HNF4G: variants seen among roughly 807,000 people sequenced by gnomAD.
HNF4G encodes hepatocyte nuclear factor 4 gamma.
A neutral mutation model predicts 50.9 loss-of-function variants in HNF4G; 21 were observed. The ratio of observed to expected loss-of-function variants is 0.41; its 90% CI spans 0.29 to 0.59. The LOEUF is 0.59. HNF4G is among the 20% of genes least tolerant of loss of function. The pLI, the probability that HNF4G is intolerant of heterozygous loss-of-function variation, is 0.26. For synonymous variants in HNF4G, 198 were observed against 185.6 expected, an observed-to-expected ratio of 1.07 and a Z score of -0.54; for missense variants, 527 against 559.4, an observed-to-expected ratio of 0.94 and a Z score of 0.58.
rs192699665 is a variant in HNF4G, at chr8:75,563,931, G to T, written c.1247-44G>T. On this transcript the variant is annotated intron_variant, in intron 9 of 9. Coordinates refer to ENST00000396423, the MANE Select transcript of HNF4G (RefSeq NM_004133.5). ...ATGTAGGGTTTAATGGGGTGAGGAAGACTGACTGCCACCATTAGACTCAAT... is the reference window on the plus strand; with the variant it reads ...ATGTAGGGTTTAATGGGGTGAGGAATACTGACTGCCACCATTAGACTCAAT... 1,788 of 1,607,676 alleles carry T rather than the reference G, an allele frequency of 1.1e-3. 10 individuals are homozygous for T. Among genetic ancestry groups the T allele is most frequent in the Non-Finnish European group, 4.7e-4 (549 of 1,176,248 alleles).
chr8:75,542,317 T>A, intron 1 of HNF4G, among the ~76,000 whole-genome samples: 1 of 151,532 alleles, frequency 6.6e-6, no homozygotes, highest in East Asian at 1.9e-4. Context: ...AAAATAATAA[T>A]AATACTTAAA....
chr8:75,454,436 A>G (rs1022570778), intron 1 of HNF4G, among the ~76,000 whole-genome samples: 1 of 152,194 alleles, frequency 6.6e-6, no homozygotes, highest in Non-Finnish European at 1.5e-5. Flanking sequence ...TATCCTGGGC[A>G]TTGAATGGTG....
chr8:75,525,063 GAAGAT>G (rs1182344188), intron 2 of HNF4G, among the ~76,000 whole-genome samples: 2 of 152,196 alleles, frequency 1.3e-5, no homozygotes, highest in East Asian at 3.9e-4. Context: ...AAGTGTTAGA[GAAGAT>G]AAGAGGACAG....
chr8:75,471,253 G>A (rs1350865134), intron 1 of HNF4G, among the ~76,000 whole-genome samples: 1 of 152,090 alleles, frequency 6.6e-6, no homozygotes, highest in Non-Finnish European at 1.5e-5. Flanking sequence ...TGCCAGTAGG[G>A]ACTGTATATC....
chr8:75,417,007 G>C (rs1330006383), intron 1 of HNF4G, among the ~76,000 whole-genome samples: 2 of 152,174 alleles, frequency 1.3e-5, no homozygotes, highest in Non-Finnish European at 2.9e-5. Context: ...TAATAAATGT[G>C]TAATTGCTTG....
intron 1 of HNF4G, among the ~76,000 whole-genome samples, chr8:75,489,606 C>T (rs577664899): frequency 3.9e-4 from 60 of 152,206 alleles, no homozygotes; most frequent in Non-Finnish European, 7.9e-4. Flanking sequence ...ATTTAAACTA[C>T]CTAATTATTT....
intron 9 of HNF4G, among the ~76,000 whole-genome samples, chr8:75,561,697 G>T (rs11985210): frequency 6.6e-6 from 1 of 152,114 alleles, no homozygotes; most frequent in Admixed American, 6.6e-5. Context: ...GTGAGTTACC[G>T]TGGTAATTGA....
intron 1 of HNF4G, among the ~76,000 whole-genome samples, chr8:75,443,360 G>A (rs1488146771): frequency 2.6e-5 from 4 of 152,038 alleles, no homozygotes; most frequent in Non-Finnish European, 4.4e-5. Context: ...CAGTTTTCCA[G>A]TCTCTAAAAT....
Position 75,543,897 on chromosome 8 carries a change from A to C in HNF4G, c.205A>C (p.Lys69Gln). 6.2e-7 allele frequency: 1 copy of C among 1,613,882 alleles called. No individual in the cohort carries two copies. Among genetic ancestry groups the C allele is most frequent in the Non-Finnish European group, 8.5e-7 (1 of 1,179,838 alleles). Residue 69 changes from lysine to glutamine, a missense_variant, in exon 2 of 10, where the codon AAA becomes CAA. Lys to Gln is a moderately conservative substitution (Grantham distance 53, BLOSUM62 1). Coordinates refer to ENST00000396423, the MANE Select transcript of HNF4G (RefSeq NM_004133.5). ...TATCTGTGGGGACAGAGCAACAGGA[A>C]AACACTATGGGGCATCCAGCTGTGA... ...CAICGDRATG[K>Q]HYGASSCDGC...
At chr8:75,506,568 T>C (rs895520321) in intron 2 of HNF4G, among the ~76,000 whole-genome samples, 1 of 152,144 alleles carries the variant, frequency 6.6e-6, no homozygotes, top group Admixed American at 6.6e-5. Context: ...CAAGGAGACA[T>C]ATATTTTGAT....
At chr8:75,495,120 T>C (rs1000567719) in intron 2 of HNF4G, among the ~76,000 whole-genome samples, 3 of 152,208 alleles carry the variant, frequency 2.0e-5, no homozygotes, top group African/African-American at 7.2e-5. Flanking sequence ...GCTTATTCTA[T>C]TTATGCTTTT....
At chr8:75,554,174 A>G (rs1488581317) in intron 5 of HNF4G, among the ~76,000 whole-genome samples, 2 of 152,204 alleles carry the variant, frequency 1.3e-5, no homozygotes, top group Admixed American at 6.6e-5. Context: ...TTGACATACC[A>G]TAAAGATAGC....
chr8:75,504,118 A>G (rs1265555863), intron 2 of HNF4G, among the ~76,000 whole-genome samples: 1 of 151,940 alleles, frequency 6.6e-6, no homozygotes, highest in Non-Finnish European at 1.5e-5. Context: ...GCTACTCAGG[A>G]GGCTGAGGCA....
chr8:75,553,861 A>G (rs958887953), intron 5 of HNF4G, among the ~76,000 whole-genome samples: 8 of 152,152 alleles, frequency 5.3e-5, no homozygotes, highest in Non-Finnish European at 1.0e-4. Context: ...TCATATGCCC[A>G]TTAGGATATT....
intron 2 of HNF4G, among the ~76,000 whole-genome samples, chr8:75,528,155 G>A (rs567294005): frequency 1.3e-5 from 2 of 152,296 alleles, no homozygotes; most frequent in Non-Finnish European, 2.9e-5. Flanking sequence ...AGTGGCCCAT[G>A]TAGTAGGTAG....
intron 1 of HNF4G, among the ~76,000 whole-genome samples, chr8:75,444,098 G>A (rs1004022831): frequency 1.3e-5 from 2 of 152,064 alleles, no homozygotes; most frequent in African/African-American, 4.8e-5. Context: ...AACCCTACAA[G>A]CCAGAAGAGA....
chr8:75,538,826 C>A (rs1806536119), upstream of HNF4G, among the ~76,000 whole-genome samples: 2 of 152,086 alleles, frequency 1.3e-5, no homozygotes, highest in South Asian at 4.1e-4. Flanking sequence ...GTTTAGAGTA[C>A]TTTAAGAGGC....
intron 3 of HNF4G, among the ~76,000 whole-genome samples, chr8:75,549,248 G>A (rs1472623778): frequency 6.6e-6 from 1 of 152,126 alleles, no homozygotes; most frequent in Non-Finnish European, 1.5e-5. Flanking sequence ...CAGCATAGTA[G>A]CAAGATTAAT....
At position 75,564,294 on chromosome 8, in the gene HNF4G, G is replaced by T; in HGVS notation, c.*198G>T. The T allele has an allele frequency of 1.9e-6, 1 of 523,050 alleles. No homozygotes were observed. The highest frequency in any genetic ancestry group is 3.3e-6 in the Non-Finnish European group (1 of 298,652). The allele number at this position is 523,050 out of a possible 1,614,324, so 32.4% of individuals were successfully genotyped here. A position where few individuals can be genotyped will look rare whatever the true frequency, so the allele number is the denominator to read the frequency against. ...TGTAAAACTTTCACATGCAACCAAT[G>T]TATATCTGAGTTTGAAGATGTTTAT... On this transcript the variant is annotated 3_prime_UTR_variant, in exon 10 of 10. Coordinates refer to ENST00000396423, the MANE Select transcript of HNF4G (RefSeq NM_004133.5).
Sources: gnomAD v4.1 joint callset for allele counts (sites outside exome capture counted in the v4.1 genomes callset) on GRCh38, gnomAD v4.1.1 for gene constraint, MANE v1.5 for transcripts, NCBI Gene and HGNC (gene_info 2026-07-23, HGNC 2026-07-21) for gene names.